BRWD3: variants seen among roughly 807,000 people sequenced by gnomAD.
The protein encoded by BRWD3 is bromodomain and WD repeat-containing protein 3.
In BRWD3, 10 loss-of-function variants were observed where a neutral mutation model predicts 149.7. That is an observed-to-expected ratio of 0.07 (90% confidence interval 0.04 to 0.11). The LOEUF is 0.11. BRWD3 is among the 10% of genes least tolerant of loss of function. BRWD3 has a pLI of 1.00. For missense variants in BRWD3, 940 were observed against 1,373.2 expected (o/e 0.68, Z 4.99); for synonymous variants, 504 against 456.7 (o/e 1.10, Z -1.32).
intron 22 of BRWD3, among the ~76,000 whole-genome samples, 172 bp from the exon 23 acceptor site, chrX:80,705,018 A>G (rs1467540828): frequency 8.9e-6 from 1 of 112,157 alleles, no homozygotes; most frequent in Non-Finnish European, 1.9e-5. Context: ...CTGTAATCCC[A>G]GCACTCTGGG....
At position 80,709,553 on chromosome X, in the gene BRWD3, G is replaced by A. The variant is rs142223428; in HGVS notation, c.2350C>T (p.Arg784Cys). 10 of 1,207,877 alleles carry A rather than the reference G, an allele frequency of 8.3e-6. No homozygotes were observed. Among genetic ancestry groups the A allele is most frequent in the South Asian group, 1.8e-5 (1 of 56,671 alleles). Residue 784 changes from arginine to cysteine, a missense_variant, in exon 21 of 41, where the codon CGT becomes TGT. This residue lies in a region of BRWD3 where 103 missense variants were observed against 103.2 expected (regional missense o/e 1.00). Coordinates refer to ENST00000373275, the MANE Select transcript of BRWD3 (RefSeq NM_153252.5). ...QRNDYEPSCG[R>C]SLRRTQRKRQ... ...TTGCGCTGTGTCCTGCGTAAAGAAC[G>A]CCCACAGCTAGGCTCATAATCATTC... is the stretch of plus-strand genomic sequence containing the variant.
At chrX:80,751,064 G>C (rs757585628) in intron 6 of BRWD3, among the ~76,000 whole-genome samples, 1 of 111,232 alleles carries the variant, frequency 9.0e-6, no homozygotes, top group African/African-American at 3.3e-5. Context: ...CATAAAAACA[G>C]AGTAGAAAGG....
At chrX:80,706,874 G>T (rs982749687) in intron 22 of BRWD3, among the ~76,000 whole-genome samples, 1 of 112,667 alleles carries the variant, frequency 8.9e-6, no homozygotes, top group Non-Finnish European at 1.9e-5. Flanking sequence ...TAAAAGAATA[G>T]AAAATGAAAT....
chrX:80,761,508 G>A (rs2073802163), intron 6 of BRWD3, among the ~76,000 whole-genome samples: 2 of 111,847 alleles, frequency 1.8e-5, no homozygotes, highest in African/African-American at 6.5e-5. Flanking sequence ...CAGGTGTAAA[G>A]CAACTGTCAT....
At chrX:80,795,317 T>C (rs1329687441) in intron 4 of BRWD3, among the ~76,000 whole-genome samples, 2 of 109,988 alleles carry the variant, frequency 1.8e-5, no homozygotes, top group Non-Finnish European at 3.8e-5. Context: ...GGCTACAATG[T>C]CAATTTTTAT....
intron 4 of BRWD3, among the ~76,000 whole-genome samples, chrX:80,794,552 T>C (rs754619119): frequency 1.8e-5 from 2 of 109,591 alleles, no homozygotes; most frequent in Non-Finnish European, 3.8e-5. Context: ...TCTATATGTA[T>C]GTGTATAGAT....
intron 14 of BRWD3, among the ~76,000 whole-genome samples, chrX:80,726,004 T>TGC (rs2073227256): frequency 2.2e-5 from 2 of 89,964 alleles, no homozygotes; most frequent in South Asian, 1.6e-3. Flanking sequence ...ATAACATGTT[T>TGC]ACATGTTATA....
At chrX:80,714,040 G>C (rs183169667) in intron 20 of BRWD3, among the ~76,000 whole-genome samples, 1 of 111,515 alleles carries the variant, frequency 9.0e-6, no homozygotes, top group African/African-American at 3.3e-5. Flanking sequence ...GCCCTGCAAA[G>C]TTGTCTCTTG....
chrX:80,732,955 A>C (rs3132174), intron 12 of BRWD3, among the ~76,000 whole-genome samples: 40,049 of 109,164 alleles, frequency 0.37, 6,375 homozygotes, highest in South Asian at 0.62. Context: ...CTGGTGAAAC[A>C]CCGTCTCTAC....
At chrX:80,793,160 CAAAAAAAAAA>C (rs201065966) in intron 5 of BRWD3, among the ~76,000 whole-genome samples, 20 of 44,462 alleles carry the variant, frequency 4.5e-4, no homozygotes, top group Non-Finnish European at 6.9e-4. Flanking sequence ...GACTCTGTCT[CAAAAAAAAAA>C]AAAAAAAAAA....
intron 6 of BRWD3, among the ~76,000 whole-genome samples, chrX:80,751,143 G>A (rs1010360559): frequency 9.0e-6 from 1 of 111,273 alleles, no homozygotes; most frequent in Non-Finnish European, 1.9e-5. Context: ...AGGGCACAAA[G>A]TTTCAGTTAG....
intron 5 of BRWD3, among the ~76,000 whole-genome samples, chrX:80,792,377 T>C (rs936224972): frequency 3.6e-5 from 4 of 112,419 alleles, no homozygotes; most frequent in Non-Finnish European, 7.5e-5. Flanking sequence ...TGGGTACATG[T>C]TCGTATTATG....
At chrX:80,687,618 A>G (rs2072549250) in intron 34 of BRWD3, among the ~76,000 whole-genome samples, 1 of 111,083 alleles carries the variant, frequency 9.0e-6, no homozygotes, top group Admixed American at 9.7e-5. Flanking sequence ...GGCTTCCTAA[A>G]TTATTAAGAC....
rs1026439336 is a variant in BRWD3, at chrX:80,670,442, A to G, written c.*6167T>C. The stretch of plus-strand genomic sequence containing the variant: ...CTTTTTCTTGACCTTCTCAACTTGG[A>G]AAAAAAATGGATCCCCAGGCTGGAG... On this transcript the variant is annotated 3_prime_UTR_variant, in exon 41 of 41. Coordinates refer to ENST00000373275, the MANE Select transcript of BRWD3 (RefSeq NM_153252.5). 7.3e-5 allele frequency among the ~76,000 whole-genome samples: 8 copies of G among 110,007 alleles called. No individual in the cohort carries two copies. Among genetic ancestry groups the G allele is most frequent in the African/African-American group, 2.0e-4 (6 of 30,263 alleles).
chrX:80,699,798 T>C (rs1348712270), intron 25 of BRWD3, among the ~76,000 whole-genome samples, 159 bp downstream of exon 25: 1 of 111,971 alleles, frequency 8.9e-6, no homozygotes, highest in Admixed American at 9.5e-5. Flanking sequence ...TAAAATGTGA[T>C]CCATAATATT....
intron 34 of BRWD3, 91 bp from the exon 35 acceptor site, chrX:80,687,094 A>C: frequency 1.9e-6 from 1 of 535,694 alleles, no homozygotes; most frequent in Middle Eastern, 4.7e-4. Flanking sequence ...ACCTATCTGT[A>C]TGTGTGTATA....
At chrX:80,787,256 G>T (rs1203534358) in intron 6 of BRWD3, among the ~76,000 whole-genome samples, 1 of 111,503 alleles carries the variant, frequency 9.0e-6, no homozygotes, top group East Asian at 2.8e-4. Flanking sequence ...TCCTGGATTA[G>T]AAGGCTCAAT....
chrX:80,806,363 G>T (rs1209485480), intron 4 of BRWD3, among the ~76,000 whole-genome samples: 1 of 110,912 alleles, frequency 9.0e-6, no homozygotes, highest in Non-Finnish European at 1.9e-5. Flanking sequence ...GAAAAAAAAA[G>T]AGCTACTTAA....
At position 80,791,951 on chromosome X, in the gene BRWD3, G is replaced by A. The variant is rs1247471952; in HGVS notation, c.333C>T (p.Asp111=). The change falls in exon 6 of 41, where the codon GAC becomes GAT. Residue 111 remains aspartate (D), a splice_region_variant and synonymous_variant. Transcript: ENST00000373275. The part of the protein sequence containing the change: ...GRQSLLRDAK[D]CKSTLWNGSA... ...ACCCATTCCATAGTGTACTCTTACA[G>A]TCTATATAAAAAGAACAAAGGTTGC... The A allele has an allele frequency of 1.5e-5, 18 of 1,177,232 alleles. No homozygotes were observed. The highest frequency in any genetic ancestry group is 1.8e-5 in the Non-Finnish European group (16 of 868,948).
Sources: allele counts gnomAD v4.1 joint callset (sites outside exome capture counted in the v4.1 genomes callset), GRCh38; gene constraint gnomAD v4.1.1; regional missense constraint gnomAD v4.1.1; transcripts MANE v1.5; gene names NCBI Gene and HGNC (gene_info 2026-07-23, HGNC 2026-07-21).